TEDC2: variants seen among roughly 807,000 people sequenced by gnomAD.
TEDC2 encodes the protein tubulin epsilon and delta complex 2.
In TEDC2, 49 loss-of-function variants were observed where a neutral mutation model predicts 48.1. That is an observed-to-expected ratio of 1.02 (90% CI 0.81 to 1.29). The LOEUF (loss-of-function observed/expected upper bound fraction) is 1.29. Among genes scored for constraint, TEDC2 ranks in the 50% most tolerant of loss-of-function variants. TEDC2 has a pLI of 0.00. For missense variants in TEDC2, 631 were observed against 571.4 expected (o/e 1.10, Z -1.06); for synonymous variants, 299 against 247.1 (o/e 1.21, Z -1.97).
chr16:2,464,331 G>A (rs1596941683), intron 9 of TEDC2, 102 bp downstream of exon 9: 3 of 1,449,068 alleles, frequency 2.1e-6, no homozygotes, highest in Non-Finnish European at 2.8e-6. Flanking sequence ...CAGGAGGATG[G>A]GGGCAAGCCT....
At chr16:2,462,916 G>A (rs1268224605) in intron 8 of TEDC2, among the ~76,000 whole-genome samples, 184 bp downstream of exon 8, 1 of 152,208 alleles carries the variant, frequency 6.6e-6, no homozygotes, top group Non-Finnish European at 1.5e-5. Flanking sequence ...GTCGTCCTAT[G>A]GGAGCAGTCA....
intron 8 of TEDC2, among the ~76,000 whole-genome samples, chr16:2,462,969 C>A (rs1479247690): frequency 6.6e-6 from 1 of 152,210 alleles, no homozygotes; most frequent in Non-Finnish European, 1.5e-5. Context: ...CCTCGCTGCT[C>A]CCCGCACACA....
At chr16:2,460,503 AC>A in intron 2 of TEDC2, 119 bp from the exon 3 acceptor site, 1 of 1,501,736 alleles carries the variant, frequency 6.7e-7, no homozygotes, top group South Asian at 1.2e-5. Context: ...TGTCAGTGCC[AC>A]CCTCCTTACC....
At chr16:2,461,507 G>T in intron 4 of TEDC2, 1 of 635,054 alleles carries the variant, frequency 1.6e-6, no homozygotes, top group Non-Finnish European at 2.7e-6. Flanking sequence ...TCTGGAGGGC[G>T]TGGGATCTGC....
At position 2,461,053 on chromosome 16, in the gene TEDC2, C is replaced by A. The variant is rs770220557; in HGVS notation, c.434C>A (p.Thr145Asn). ...AGACCCACCAAGGGCCTCCGCCAGA[C>A]CACGGTGCCTGCCAAGGGCCACCCT... Reference protein sequence around the residue: ...DTRPTKGLRQTTVPAKGHPER... With the variant: ...DTRPTKGLRQNTVPAKGHPER... The change falls in exon 4 of 10, where the codon ACC becomes AAC. Residue 145 changes from threonine (T) to asparagine (N), a missense_variant. By Grantham distance (65) the Thr-to-Asn change is moderately conservative. Transcript: ENST00000361837. 1.9e-6 allele frequency: 3 copies of A among 1,605,968 alleles called. No homozygotes were observed. The highest frequency in any genetic ancestry group is 2.6e-6 in the Non-Finnish European group (3 of 1,174,838).
rs778304357 is a variant in TEDC2, at chr16:2,461,129, C to T, written c.510C>T (p.Ala170=). The T allele has an allele frequency of 6.4e-7, 1 of 1,564,276 alleles. No individual in the cohort carries two copies. Among genetic ancestry groups the T allele is most frequent in the African/African-American group, 1.4e-5 (1 of 73,766 alleles). ...ATGGGACCCGTGTTGGGATGGGAGC[C>T]CGAACCCCCAGGCCTGGGGCGGGCC... is the stretch of plus-strand genomic sequence containing the variant. The part of the protein sequence containing the change: ...VGDGTRVGMG[A]RTPRPGAGLR... The change falls in exon 4 of 10, where the codon GCC becomes GCT. Residue 170 remains alanine, a synonymous_variant. Transcript: ENST00000361837.
Position 2,460,129 on chromosome 16 carries a change from A to G in TEDC2, c.-16A>G, listed in dbSNP as rs373669956. 6.3e-3 allele frequency: 8,514 copies of G among 1,345,310 alleles called. 40 individuals carry two copies. Among genetic ancestry groups the G allele is most frequent in the Non-Finnish European group, 7.5e-3 (7,929 of 1,056,978 alleles). The allele number at this position is 1,345,310 out of a possible 1,614,324, so 83.3% of individuals were successfully genotyped here. On this transcript the variant is annotated 5_prime_UTR_variant, in exon 1 of 10. Transcript: ENST00000361837. ...TCTTCAGAGGCGGCAAATTGCAAGG[A>G]GACGCCGCCGCCTTCATGCTGCCGG...
intron 6 of TEDC2, 77 bp downstream of exon 6, chr16:2,462,316 GGGGCTGGCGTGGGATGGCCA>G: frequency 1.2e-6 from 2 of 1,603,196 alleles, no homozygotes; most frequent in Non-Finnish European, 1.7e-6. Context: ...AGCCCCAGGA[GGGGCTGGCGTGGGATGGCCA>G]GGGCCACTCC....
chr16:2,463,876 T>A (rs1056377173), intron 8 of TEDC2, 163 bp from the exon 9 acceptor site: 4 of 757,324 alleles, frequency 5.3e-6, no homozygotes, highest in Non-Finnish European at 8.3e-6. Flanking sequence ...TGCCAGCAAG[T>A]CCAGGCCCAA....
Position 2,464,544 on chromosome 16 carries a change from C to G in TEDC2, c.1178C>G (p.Pro393Arg), listed in dbSNP as rs771245703. 1.5e-5 allele frequency: 23 copies of G among 1,584,092 alleles called. No individual in the cohort carries two copies. In the South Asian group the frequency reaches 2.6e-4, roughly 18 times the overall value. ...CAGGTCCTGATGGCTGAACTCCTCC[C>G]CCTGGTAAGCGCTGCACAGCCGCAG... is the stretch of plus-strand genomic sequence containing the variant. ...LEKVLMAELLPLVSAAQPQGP... is the reference protein window; with the variant it reads ...LEKVLMAELLRLVSAAQPQGP... Residue 393 changes from proline (P) to arginine (R), a missense_variant, in exon 10 of 10, where the codon CCC (proline) becomes CGC (arginine). Physicochemically the swap from Pro to Arg is moderately radical, Grantham distance 103 (BLOSUM62 -2). Transcript: ENST00000361837.
At chr16:2,461,833 G>A (rs1341252102) in intron 5 of TEDC2, 33 bp downstream of exon 5, 1 of 1,612,322 alleles carries the variant, frequency 6.2e-7, no homozygotes, top group Admixed American at 1.7e-5. Flanking sequence ...GACGGGGGTA[G>A]GGGAGAACCG....
rs773961156 is a variant in TEDC2 at position 2,462,543 on chromosome 16, T to C, written c.862+17T>C. 3 of 1,586,044 alleles carry C rather than the reference T, an allele frequency of 1.9e-6. No individual in the cohort carries two copies. The highest frequency in any genetic ancestry group is 2.3e-5 in the South Asian group (2 of 87,264). ...TCTCGGCAGGTCAGTGGGTCCTGGGTCTGTATCAGGAGGAGTGTGGAGGGC... is the reference window on the plus strand; with the variant it reads ...TCTCGGCAGGTCAGTGGGTCCTGGGCCTGTATCAGGAGGAGTGTGGAGGGC... On this transcript the variant is annotated intron_variant, in intron 7 of 9. Coordinates refer to ENST00000361837, the MANE Select transcript of TEDC2 (RefSeq NM_025108.3).
chr16:2,463,671 T>C (rs2065481533), intron 8 of TEDC2, among the ~76,000 whole-genome samples: 1 of 151,936 alleles, frequency 6.6e-6, no homozygotes, highest in Non-Finnish European at 1.5e-5. Flanking sequence ...AATCAGCTCC[T>C]GGGAGGTGAC....
chr16:2,461,438 C>T (rs142568332), intron 4 of TEDC2: 5 of 684,214 alleles, frequency 7.3e-6, no homozygotes, highest in Admixed American at 3.2e-5. Context: ...TGGAGCCTGT[C>T]CTCCTCTCTT....
chr16:2,461,252 G>A (rs1567395204), intron 4 of TEDC2, 28 bp downstream of exon 4: 2 of 1,442,344 alleles, frequency 1.4e-6, no homozygotes, highest in Non-Finnish European at 1.8e-6. Flanking sequence ...TCACTGGAGG[G>A]ACTTCTGTCT....
chr16:2,460,312 A>G lies in TEDC2; in HGVS notation c.56A>G (p.Asp19Gly). 1 of 1,535,248 alleles carries G rather than the reference A, an allele frequency of 6.5e-7. No individual in the cohort carries two copies. Among genetic ancestry groups the G allele is most frequent in the Non-Finnish European group, 8.7e-7 (1 of 1,144,026 alleles). Reference protein sequence around the residue: ...RLVAELQGALDACAQRQLQLE... With the variant: ...RLVAELQGALGACAQRQLQLE... ...GTGGCCGAGCTGCAGGGCGCCCTGG[A>G]CGCCTGCGCACAGCGACAATTGCAA... Residue 19 changes from aspartate to glycine, a missense_variant, in exon 2 of 10, where the codon GAC (aspartate) becomes GGC (glycine). Physicochemically the swap from Asp to Gly is moderately conservative, Grantham distance 94. Transcript: ENST00000361837.
chr16:2,462,098 A>G, intron 5 of TEDC2, 51 bp from the exon 6 acceptor site: 2 of 1,582,484 alleles, frequency 1.3e-6, no homozygotes, highest in South Asian at 2.2e-5. Flanking sequence ...ACTGGCTGGA[A>G]TAACCGTGTC....
intron 4 of TEDC2, 112 bp from the exon 5 acceptor site, chr16:2,461,635 G>T (rs917821379): frequency 2.3e-6 from 3 of 1,323,070 alleles, no homozygotes; most frequent in African/African-American, 1.5e-5. Flanking sequence ...GGTGGGGTCG[G>T]GTGTGGGAGA....
At chr16:2,464,274 CT>C in intron 9 of TEDC2, 45 bp downstream of exon 9, 1 of 1,582,948 alleles carries the variant, frequency 6.3e-7, no homozygotes. Flanking sequence ...GGTCCGCAGC[CT>C]TGAGGACCCG....
Sources: allele counts gnomAD v4.1 joint callset (sites outside exome capture counted in the v4.1 genomes callset), GRCh38; gene constraint gnomAD v4.1.1; transcripts MANE v1.5; gene names NCBI Gene and HGNC (gene_info 2026-07-23, HGNC 2026-07-21).